BCORL1: variants seen among roughly 807,000 people sequenced by gnomAD.
BCORL1 encodes the protein BCL6 corepressor like 1.
A neutral mutation model predicts 87.6 loss-of-function variants in BCORL1; 7 were observed. The observed-to-expected ratio is 0.08, with a 90% CI of 0.05 to 0.15. The LOEUF (loss-of-function observed/expected upper bound fraction) is 0.15. Ranked by LOEUF, BCORL1 falls within the 10% of genes least tolerant of loss-of-function variation. The pLI, the probability that BCORL1 is intolerant of heterozygous loss-of-function variation, is 1.00. For missense variants in BCORL1, 1,215 were observed against 1,499.7 expected (o/e 0.81, Z 3.13); for synonymous variants, 591 against 634.4 (o/e 0.93, Z 1.03).
At chrX:129,983,891 C>T (rs1453087324) in intron 1 of BCORL1, among the ~76,000 whole-genome samples, 26 of 109,735 alleles carry the variant, frequency 2.4e-4, no homozygotes, top group Middle Eastern at 4.9e-3. Context: ...AGGGAGGCTC[C>T]GGTTACGGGG....
rs185053343 is a variant in BCORL1, at chrX:130,005,837, G to A, written c.86+520G>A. ...ACGGGGGTTTCGCCATGTGGCCCGG[G>A]CTGGTCTTGAACCCCTGAGCTCAAG... On this transcript the variant is annotated intron_variant, in intron 2 of 13. Transcript: ENST00000540052. Among the ~76,000 whole-genome samples, 981 of 108,578 alleles carry A rather than the reference G, an allele frequency of 9.0e-3. 7 individuals are homozygous for A. The highest frequency in any genetic ancestry group is 0.015 in the Non-Finnish European group (773 of 52,278). 94.3% of individuals were successfully genotyped at this position (108,578 alleles called of 115,157 possible).
At chrX:130,041,016 C>T (rs1931272352) in intron 11 of BCORL1, among the ~76,000 whole-genome samples, 1 of 110,488 alleles carries the variant, frequency 9.1e-6, no homozygotes, top group Admixed American at 9.8e-5. Context: ...CTTTGCTTCC[C>T]CAATCCCTTC....
intron 5 of BCORL1, among the ~76,000 whole-genome samples, chrX:130,022,395 G>T (rs939547265): frequency 8.3e-5 from 9 of 108,296 alleles, no homozygotes; most frequent in Non-Finnish European, 1.7e-4. Context: ...CTACAGGTGA[G>T]TGCCACCACG....
chrX:130,012,626 C>T lies in BCORL1; in HGVS notation c.135C>T (p.His45=). The T allele has an allele frequency of 2.5e-6, 3 of 1,211,795 alleles. No homozygotes were observed. Among genetic ancestry groups the T allele is most frequent in the Non-Finnish European group, 3.4e-6 (3 of 895,457 alleles). ...AGTCAACGACAGGCGACTGCCAGCA[C>T]TTTGGATCTCAGGAGTTTTGTGTCA... The part of the protein sequence containing the change: ...DEESTTGDCQ[H]FGSQEFCVSS... Residue 45 remains histidine (H), a synonymous_variant, in exon 3 of 14, where the codon CAC becomes CAT. Coordinates refer to ENST00000540052, the MANE Select transcript of BCORL1 (RefSeq NM_001379451.1).
At chrX:130,031,820 G>A (rs912394724) in intron 8 of BCORL1, among the ~76,000 whole-genome samples, 2 of 111,611 alleles carry the variant, frequency 1.8e-5, no homozygotes, top group South Asian at 3.7e-4. Flanking sequence ...TAATAATAAT[G>A]TGCCCAGCCC....
chrX:130,011,037 A>C, intron 2 of BCORL1, among the ~76,000 whole-genome samples: 1 of 71,669 alleles, frequency 1.4e-5, no homozygotes, highest in South Asian at 8.0e-4. Flanking sequence ...AAAAAAAAAG[A>C]GGGAAAAAAG....
chrX:130,034,608 C>T lies in BCORL1; in HGVS notation c.4459C>T (p.Arg1487Cys), dbSNP rs1377860221. Residue 1487 changes from arginine (R) to cysteine (C), a missense_variant, in exon 9 of 14, where the codon CGT (arginine) becomes TGT (cysteine). By Grantham distance (180) the Arg-to-Cys change is radical. Transcript: ENST00000540052. The part of the protein sequence containing the change: ...PTARQIPPEA[R>C]RLIVNKNAGE... ...AGCCCGGCAGATCCCCCCAGAGGCACGTCGGCTCATAGTGAACAAAAATGC... is the reference window on the plus strand; with the variant it reads ...AGCCCGGCAGATCCCCCCAGAGGCATGTCGGCTCATAGTGAACAAAAATGC... 3.1e-6 allele frequency: 3 copies of T among 983,177 alleles called. No homozygotes were observed. Among genetic ancestry groups the T allele is most frequent in the Non-Finnish European group, 4.0e-6 (3 of 756,175 alleles). 81.0% of individuals were successfully genotyped at this position (983,177 alleles called of 1,213,427 possible). A position where few individuals can be genotyped will look rare whatever the true frequency, so the allele number is the denominator to read the frequency against.
intron 9 of BCORL1, 136 bp from the exon 10 acceptor site, chrX:130,037,231 G>T: frequency 1.6e-6 from 1 of 632,256 alleles, no homozygotes; most frequent in South Asian, 2.6e-5. Flanking sequence ...GTTAATGAAA[G>T]ATTTTGAAGT....
intron 2 of BCORL1, among the ~76,000 whole-genome samples, chrX:130,006,023 T>A (rs5975164): frequency 9.0e-6 from 1 of 111,027 alleles, no homozygotes; most frequent in Admixed American, 9.6e-5. Flanking sequence ...GGAAGAAAGA[T>A]GGTTTTATTG....
chrX:130,054,771 C>G (rs746886795), intron 13 of BCORL1, among the ~76,000 whole-genome samples: 1 of 110,431 alleles, frequency 9.1e-6, no homozygotes, highest in Non-Finnish European at 1.9e-5. Context: ...ATTAGCCAGG[C>G]GTGGTCGTGG....
At chrX:130,001,600 G>A (rs1928056948) in intron 1 of BCORL1, among the ~76,000 whole-genome samples, 1 of 111,292 alleles carries the variant, frequency 9.0e-6, no homozygotes, top group African/African-American at 3.3e-5. Flanking sequence ...AGTCTTGAGA[G>A]AAGACAGGGA....
chrX:130,023,237 A>T (rs1346832608), intron 6 of BCORL1, among the ~76,000 whole-genome samples: 2 of 111,907 alleles, frequency 1.8e-5, no homozygotes, highest in Non-Finnish European at 3.8e-5. Flanking sequence ...TTGGGAGCTG[A>T]TGGTGGAAAG....
chrX:130,033,853 A>G (rs1930773497), intron 8 of BCORL1, among the ~76,000 whole-genome samples: 1 of 110,777 alleles, frequency 9.0e-6, no homozygotes, highest in Non-Finnish European at 1.9e-5. Context: ...ATGGTGGCGC[A>G]TACCTGTAAT....
chrX:129,989,998 C>A lies in BCORL1; in HGVS notation c.-45+7236C>A, dbSNP rs776456059. Among the ~76,000 whole-genome samples the A allele has an allele frequency of 3.6e-5, 4 of 110,290 alleles. No homozygotes were observed. The East Asian group carries it at 1.2e-3, about 32-fold the overall frequency. On this transcript the variant is annotated intron_variant, in intron 1 of 13. Coordinates refer to ENST00000540052, the MANE Select transcript of BCORL1 (RefSeq NM_001379451.1). ...ATGGGGTTTTGCCATGTTGGCCAGG[C>A]TGGTCTCGAACTCCTGACCTCAGGT... is the stretch of plus-strand genomic sequence containing the variant.
intron 2 of BCORL1, among the ~76,000 whole-genome samples, chrX:130,008,623 T>A (rs1025588850): frequency 5.4e-5 from 6 of 112,013 alleles, no homozygotes; most frequent in African/African-American, 1.6e-4. Flanking sequence ...GTCACCTTCT[T>A]GCTACAGTCT....
chrX:130,023,072 G>A, intron 6 of BCORL1, 95 bp downstream of exon 6: 5 of 781,137 alleles, frequency 6.4e-6, no homozygotes, highest in South Asian at 4.4e-5. Context: ...CCCAGGTGTC[G>A]AGTTGGGAAT....
chrX:129,986,622 C>T (rs1472410167), intron 1 of BCORL1, among the ~76,000 whole-genome samples: 1 of 111,253 alleles, frequency 9.0e-6, no homozygotes, highest in Non-Finnish European at 1.9e-5. Flanking sequence ...AGTTCAAGAC[C>T]AGCCTGGCCA....
At chrX:130,012,362 C>T (rs978146152) in intron 2 of BCORL1, among the ~76,000 whole-genome samples, 4 of 111,415 alleles carry the variant, frequency 3.6e-5, no homozygotes, top group Non-Finnish European at 7.5e-5. Flanking sequence ...TCTAGTCAGA[C>T]TGGGCTCTGG....
At chrX:129,996,404 C>T (rs1927568745) in intron 1 of BCORL1, among the ~76,000 whole-genome samples, 1 of 111,258 alleles carries the variant, frequency 9.0e-6, no homozygotes, top group Non-Finnish European at 1.9e-5. Context: ...GACTACATTT[C>T]GTTTAACTGA....
Sources: allele counts gnomAD v4.1 joint callset (sites outside exome capture counted in the v4.1 genomes callset), GRCh38; gene constraint gnomAD v4.1.1; transcripts MANE v1.5; gene names NCBI Gene and HGNC (gene_info 2026-07-23, HGNC 2026-07-21).